Variants in GLIS1 observed in about 807,000 individuals in gnomAD.
GLIS1 encodes zinc finger protein GLIS1.
Under a neutral mutation model 63.8 loss-of-function variants are expected in GLIS1, and 24 were observed. That is an observed-to-expected ratio of 0.38 (90% confidence interval 0.27 to 0.53). The LOEUF (loss-of-function observed/expected upper bound fraction) is 0.53, where lower values mean the gene tolerates loss of function less well. GLIS1 is among the 20% of genes least tolerant of loss of function. The probability of loss-of-function intolerance (pLI) is 0.85; values close to 1 mark genes in which losing one functional copy is unlikely to be tolerated. For missense variants in GLIS1, 1,036 were observed against 1,074.1 expected (o/e 0.96, Z 0.50); for synonymous variants, 450 against 482.5 (o/e 0.93, Z 0.88).
chr1:53,675,889 A>C (rs1002851987), intron 2 of GLIS1, among the ~76,000 whole-genome samples: 5 of 98,596 alleles, frequency 5.1e-5, no homozygotes, highest in Admixed American at 1.2e-4. Flanking sequence ...CTCCTACCCC[A>C]CCCCATCCCA....
chr1:53,686,944 G>A (rs1326719885), intron 2 of GLIS1, among the ~76,000 whole-genome samples: 1 of 152,148 alleles, frequency 6.6e-6, no homozygotes, highest in Admixed American at 6.6e-5. Flanking sequence ...CTTCCTGACA[G>A]TGTTGAGCCC....
At chr1:53,665,115 G>A (rs1206123860) in intron 2 of GLIS1, among the ~76,000 whole-genome samples, 1 of 152,188 alleles carries the variant, frequency 6.6e-6, no homozygotes, top group Non-Finnish European at 1.5e-5. Context: ...AGGCAGCACT[G>A]CCATAATCCA....
intron 4 of GLIS1, among the ~76,000 whole-genome samples, chr1:53,568,187 G>T (rs185354499): frequency 6.6e-6 from 1 of 152,222 alleles, no homozygotes; most frequent in African/African-American, 2.4e-5. Flanking sequence ...GCATGCCCTG[G>T]ATGTGAGACA....
chr1:53,712,910 T>A (rs1487916494), intron 2 of GLIS1, among the ~76,000 whole-genome samples: 2 of 151,666 alleles, frequency 1.3e-5, no homozygotes, highest in South Asian at 4.2e-4. Context: ...AGCCCAAATG[T>A]GAATACGGAC....
intron 2 of GLIS1, among the ~76,000 whole-genome samples, chr1:53,621,005 G>A (rs549897018): frequency 6.6e-6 from 1 of 152,292 alleles, no homozygotes; most frequent in South Asian, 2.1e-4. Flanking sequence ...ATCCATTTTG[G>A]CCCTGGGGAT....
At chr1:53,687,203 C>T (rs551604580) in intron 2 of GLIS1, among the ~76,000 whole-genome samples, 1 of 152,328 alleles carries the variant, frequency 6.6e-6, no homozygotes, top group South Asian at 2.1e-4. Flanking sequence ...GAGAGCTGGA[C>T]TTGGAAGGGG....
intron 2 of GLIS1, among the ~76,000 whole-genome samples, chr1:53,623,977 A>G (rs949209806): frequency 1.3e-5 from 2 of 152,198 alleles, no homozygotes; most frequent in Non-Finnish European, 2.9e-5. Context: ...ATCCAGATTG[A>G]CCTGTAAATT....
intron 2 of GLIS1, among the ~76,000 whole-genome samples, chr1:53,737,096 TGAG>T (rs1646919819): frequency 6.6e-6 from 1 of 152,224 alleles, no homozygotes; most frequent in East Asian, 1.9e-4. Flanking sequence ...TTAACTGTGA[TGAG>T]AAGAGCATGT....
chr1:53,644,953 T>A (rs1402177108), intron 2 of GLIS1, among the ~76,000 whole-genome samples: 3 of 152,228 alleles, frequency 2.0e-5, no homozygotes, highest in Non-Finnish European at 4.4e-5. Context: ...TCCACAAAAA[T>A]CTAAGGTCCA....
At chr1:53,585,057 A>G (rs1412379091) in intron 4 of GLIS1, among the ~76,000 whole-genome samples, 1 of 152,110 alleles carries the variant, frequency 6.6e-6, no homozygotes, top group Non-Finnish European at 1.5e-5. Flanking sequence ...ATTAGTTTAA[A>G]TTCAATTCAA....
intron 2 of GLIS1, among the ~76,000 whole-genome samples, chr1:53,647,890 C>T (rs1216778483): frequency 6.6e-6 from 1 of 152,094 alleles, no homozygotes; most frequent in African/African-American, 2.4e-5. Context: ...AAAAAAACTT[C>T]CCCAGACACA....
At chr1:53,544,429 C>T (rs1644677596) in intron 4 of GLIS1, among the ~76,000 whole-genome samples, 1 of 152,180 alleles carries the variant, frequency 6.6e-6, no homozygotes, top group Non-Finnish European at 1.5e-5. Context: ...ACATGTGCAT[C>T]CTGCCACTCT....
At chr1:53,523,363 C>T (rs539497141) in intron 6 of GLIS1, among the ~76,000 whole-genome samples, 2 of 152,244 alleles carry the variant, frequency 1.3e-5, no homozygotes, top group Admixed American at 1.3e-4. Flanking sequence ...CACTGAGGCC[C>T]CTTGCTCCCA....
At chr1:53,717,064 T>C (rs1296977939) in intron 2 of GLIS1, among the ~76,000 whole-genome samples, 1 of 152,158 alleles carries the variant, frequency 6.6e-6, no homozygotes, top group Non-Finnish European at 1.5e-5. Flanking sequence ...TCAGCAGCAA[T>C]GTGGGAAGCT....
chr1:53,529,734 G>A (rs1644509226), intron 5 of GLIS1, 57 bp downstream of exon 5: 2 of 1,544,372 alleles, frequency 1.3e-6, no homozygotes, highest in African/African-American at 2.7e-5. Context: ...CACTGAATGA[G>A]TGGCAGGTGT....
chr1:53,523,058 C>A (rs1376445198), intron 6 of GLIS1, among the ~76,000 whole-genome samples: 1 of 146,784 alleles, frequency 6.8e-6, no homozygotes, highest in East Asian at 2.0e-4. Context: ...AACTCCTGGG[C>A]TCAAATGATC....
In GLIS1 at chr1:53,631,149, G is replaced by A. The variant is rs375144929; in HGVS notation, c.260-30871C>T. On this transcript the variant is annotated intron_variant, in intron 2 of 10. Transcript: ENST00000628545. ...AACTTTTCAAGTAGTGTAATCTAAC[G>A]GGTTTTTTTAGTTGCAATTACTTTT... 2.0e-4 allele frequency among the ~76,000 whole-genome samples: 30 copies of A among 152,198 alleles called. No individual in the cohort carries two copies. In the East Asian group the frequency reaches 4.4e-3, roughly 23 times the overall value.
At chr1:53,693,088 A>G (rs1292681566) in intron 2 of GLIS1, among the ~76,000 whole-genome samples, 1 of 152,160 alleles carries the variant, frequency 6.6e-6, no homozygotes, top group Non-Finnish European at 1.5e-5. Context: ...ATCAACCCAG[A>G]CAGAGAAGCA....
chr1:53,586,282 C>T lies in GLIS1; in HGVS notation c.1320+7826G>A, dbSNP rs1048929938. 9.3e-5 allele frequency among the ~76,000 whole-genome samples: 14 copies of T among 150,944 alleles called. No individual in the cohort carries two copies. The East Asian group carries it at 2.7e-3, about 29-fold the overall frequency. On this transcript the variant is annotated intron_variant, in intron 4 of 10. Coordinates refer to ENST00000628545, the MANE Select transcript of GLIS1 (RefSeq NM_001367484.1). ...TCAAGAGAAGAAAGGACATTGGCAT[C>T]TGTTGAGCCCCTACTAAACACTGTC... is the stretch of plus-strand genomic sequence containing the variant.
Sources: gnomAD v4.1 joint callset for allele counts (sites outside exome capture counted in the v4.1 genomes callset) on GRCh38, gnomAD v4.1.1 for gene constraint, MANE v1.5 for transcripts, NCBI Gene and HGNC (gene_info 2026-07-23, HGNC 2026-07-21) for gene names.